Variants in SLC5A4 observed in about 807,000 individuals in gnomAD.
SLC5A4 encodes the protein probable glucose sensor protein SLC5A4.
A neutral mutation model predicts 70.3 loss-of-function variants in SLC5A4; 55 were observed. The ratio of observed to expected loss-of-function variants is 0.78; its 90% CI spans 0.63 to 0.98. SLC5A4 has a LOEUF of 0.98. SLC5A4 is among the 50% of genes least tolerant of loss of function. The probability of loss-of-function intolerance (pLI) is 0.00; values close to 1 mark genes in which losing one functional copy is unlikely to be tolerated. For synonymous variants in SLC5A4, 268 were observed against 305.7 expected (o/e 0.88, Z 1.29); for missense variants, 735 against 839.2 (o/e 0.88, Z 1.53).
rs762387986 is a variant in SLC5A4, at chr22:32,229,320, A to G, written c.1154T>C (p.Val385Ala). 1.2e-6 allele frequency: 2 copies of G among 1,614,186 alleles called. No homozygotes were observed. The highest frequency in any genetic ancestry group is 2.2e-5 in the South Asian group (2 of 91,070). Reference sequence around the variant, plus strand: ...GGAGCTCATGAGAGAGGCCAGCATGACCGAAAGCATCAGGCCTCGCAGTCC... The same window carrying G: ...GGAGCTCATGAGAGAGGCCAGCATGGCCGAAAGCATCAGGCCTCGCAGTCC... ...PQGLRGLMLS[V>A]MLASLMSSLT... Residue 385 changes from valine to alanine, a missense_variant, in exon 11 of 15, where the codon GTC becomes GCC. Val to Ala is a moderately conservative substitution (Grantham distance 64). Transcript: ENST00000266086.
the SLC5A4 span, among the ~76,000 whole-genome samples, chr22:32,261,846 A>G: frequency 6.6e-6 from 1 of 152,178 alleles, no homozygotes; most frequent in Admixed American, 6.5e-5. Flanking sequence ...AGCCTCTCAT[A>G]ACCATCCTTC....
the SLC5A4 span, among the ~76,000 whole-genome samples, chr22:32,285,560 T>C: frequency 1.3e-5 from 2 of 152,112 alleles, no homozygotes; most frequent in Non-Finnish European, 2.9e-5. Flanking sequence ...CATTACCAAA[T>C]GTTTATCATT....
chr22:32,288,017 CT>C, the SLC5A4 span, among the ~76,000 whole-genome samples: 17,767 of 96,224 alleles, frequency 0.18, 1,383 homozygotes, highest in Non-Finnish European at 0.26. Flanking sequence ...TTCTTTCTTT[CT>C]TTTTTTTTTT....
chr22:32,258,339 G>C (rs573767284), upstream of SLC5A4, among the ~76,000 whole-genome samples: 1 of 152,158 alleles, frequency 6.6e-6, no homozygotes, highest in East Asian at 1.9e-4. Context: ...TTGAATAGAG[G>C]AAGTATGGTT....
chr22:32,231,012 G>A lies in SLC5A4; in HGVS notation c.1085C>T (p.Thr362Ile). The A allele has an allele frequency of 1.9e-6, 3 of 1,613,996 alleles. No homozygotes were observed. The highest frequency in any genetic ancestry group is 2.5e-6 in the Non-Finnish European group (3 of 1,179,866). ...VKHCGVDVGC[T>I]NYAYPTMVLE... ...CACCATCGTGGGGTATGCGTAGTTG[G>A]TGCAGCCAACATCAACGCCACAGTG... Residue 362 changes from threonine (T) to isoleucine (I), a missense_variant, in exon 10 of 15, where the codon ACC becomes ATC. Transcript: ENST00000266086.
chr22:32,276,367 C>T, the SLC5A4 span, among the ~76,000 whole-genome samples: 1 of 152,126 alleles, frequency 6.6e-6, no homozygotes, highest in Non-Finnish European at 1.5e-5. Context: ...CTGGTTTGGT[C>T]TCTGTGCAAA....
chr22:32,333,965 A>C, the SLC5A4 span, among the ~76,000 whole-genome samples: 119 of 146,986 alleles, frequency 8.1e-4, 2 homozygotes, highest in South Asian at 0.026. Context: ...GCAGACCCAC[A>C]ATATACACAC....
At chr22:32,354,500 C>T in the SLC5A4 span, among the ~76,000 whole-genome samples, 2 of 151,890 alleles carry the variant, frequency 1.3e-5, no homozygotes, top group Admixed American at 6.6e-5. Flanking sequence ...CACCCGATAG[C>T]GCCCCCAACC....
the SLC5A4 span, among the ~76,000 whole-genome samples, chr22:32,315,714 C>G: frequency 7.7e-4 from 114 of 147,920 alleles, no homozygotes; most frequent in Non-Finnish European, 1.4e-3. Flanking sequence ...AAGCAGAAAG[C>G]CTATCAAACA....
intron 3 of SLC5A4, among the ~76,000 whole-genome samples, chr22:32,249,785 A>T (rs556982515): frequency 1.2e-4 from 19 of 152,386 alleles, no homozygotes; most frequent in African/African-American, 4.6e-4. Flanking sequence ...TGTTGGTGGC[A>T]CATCCATCAC....
chr22:32,328,525 G>C, the SLC5A4 span, among the ~76,000 whole-genome samples: 3 of 152,098 alleles, frequency 2.0e-5, no homozygotes, highest in Non-Finnish European at 4.4e-5. Flanking sequence ...GGCCCACCCA[G>C]TGAGCAACTG....
the SLC5A4 span, among the ~76,000 whole-genome samples, chr22:32,281,488 C>T: frequency 6.6e-6 from 1 of 152,178 alleles, no homozygotes; most frequent in Non-Finnish European, 1.5e-5. Context: ...ACTCCTAGCA[C>T]CAGCATTCAT....
chr22:32,279,004 C>T, the SLC5A4 span, among the ~76,000 whole-genome samples: 4 of 152,152 alleles, frequency 2.6e-5, no homozygotes, highest in Non-Finnish European at 5.9e-5. Flanking sequence ...AGGCCGGGCG[C>T]GGTGGCTCAC....
the SLC5A4 span, chr22:32,268,319 C>A: frequency 2.6e-5 from 4 of 152,066 alleles, no homozygotes; most frequent in Non-Finnish European, 5.9e-5. Flanking sequence ...TTTCAAGAAG[C>A]GAGTCGATGT....
intron 14 of SLC5A4, among the ~76,000 whole-genome samples, chr22:32,218,941 A>C (rs887421029): frequency 6.6e-6 from 1 of 152,220 alleles, no homozygotes; most frequent in Non-Finnish European, 1.5e-5. Flanking sequence ...ACAAATGACA[A>C]AATGGGGGAA....
At chr22:32,320,851 C>T in the SLC5A4 span, among the ~76,000 whole-genome samples, 9 of 152,318 alleles carry the variant, frequency 5.9e-5, no homozygotes, top group Admixed American at 2.0e-4. Context: ...AGTGAACACC[C>T]GCGAAGGGGA....
intron 7 of SLC5A4, among the ~76,000 whole-genome samples, chr22:32,236,095 G>A (rs1926043291): frequency 6.6e-6 from 1 of 152,114 alleles, no homozygotes; most frequent in Non-Finnish European, 1.5e-5. Flanking sequence ...AGAAACCAAG[G>A]CACCATGAAC....
the SLC5A4 span, among the ~76,000 whole-genome samples, chr22:32,353,545 G>A: frequency 4.6e-5 from 7 of 151,736 alleles, no homozygotes; most frequent in Admixed American, 1.3e-4. Flanking sequence ...CCGCTCCTCT[G>A]ACCACCCGTC....
At chr22:32,291,379 G>C in the SLC5A4 span, among the ~76,000 whole-genome samples, 5 of 151,736 alleles carry the variant, frequency 3.3e-5, no homozygotes, top group Non-Finnish European at 7.4e-5. Context: ...GGGTTTCACC[G>C]TATTGGTCAG....
Sources: allele counts gnomAD v4.1 joint callset (sites outside exome capture counted in the v4.1 genomes callset), GRCh38; gene constraint gnomAD v4.1.1; transcripts MANE v1.5; gene names NCBI Gene and HGNC (gene_info 2026-07-23, HGNC 2026-07-21).